TMEM123: variants seen among roughly 807,000 people sequenced by gnomAD.
TMEM123 encodes transmembrane protein 123.
In TMEM123, 16 loss-of-function variants were observed where a neutral mutation model predicts 19.7. That is an observed-to-expected ratio of 0.81 (90% CI 0.55 to 1.23). TMEM123 has a LOEUF of 1.23. Among genes scored for constraint, TMEM123 ranks in the 50% most tolerant of loss-of-function variants. The pLI, the probability that TMEM123 is intolerant of heterozygous loss-of-function variation, is 0.00. For missense variants in TMEM123, 313 were observed against 257.8 expected, an observed-to-expected ratio of 1.21 and a Z score of -1.47; for synonymous variants, 118 against 99.4, an observed-to-expected ratio of 1.19 and a Z score of -1.12.
intron 2 of TMEM123, among the ~76,000 whole-genome samples, chr11:102,420,121 G>A (rs982618948): frequency 6.6e-6 from 1 of 152,156 alleles, no homozygotes; most frequent in African/African-American, 2.4e-5. Flanking sequence ...GAAACTATTT[G>A]CATCTCCAGA....
intron 2 of TMEM123, among the ~76,000 whole-genome samples, chr11:102,428,887 C>T (rs1225466892): frequency 6.6e-6 from 1 of 152,198 alleles, no homozygotes; most frequent in Non-Finnish European, 1.5e-5. Context: ...ATCATTACCA[C>T]TGACTGTGGC....
In TMEM123 at chr11:102,401,901, A is replaced by T. The variant is rs1410269284; in HGVS notation, c.448+15T>A. On this transcript the variant is annotated intron_variant, in intron 3 of 4. Transcript: ENST00000398136. ...CTTGCAGCATAGGAAAAAAAAGGTC[A>T]GCTTTAATACATACTTGTTACTGAT... 1.2e-6 allele frequency: 2 copies of T among 1,603,902 alleles called. No individual in the cohort carries two copies. The highest frequency in any genetic ancestry group is 4.5e-5 in the East Asian group (2 of 44,718).
intron 2 of TMEM123, among the ~76,000 whole-genome samples, chr11:102,442,179 G>A (rs1333220231): frequency 1.3e-5 from 2 of 152,182 alleles, no homozygotes; most frequent in African/African-American, 2.4e-5. Flanking sequence ...GAAAAAGAGG[G>A]AATCCTCCCT....
chr11:102,427,924 T>C (rs1177645699), intron 2 of TMEM123, among the ~76,000 whole-genome samples: 3 of 152,100 alleles, frequency 2.0e-5, no homozygotes, highest in Non-Finnish European at 4.4e-5. Flanking sequence ...ATATTTACTC[T>C]GAGATTCAGA....
chr11:102,435,893 T>C (rs1857757577), intron 2 of TMEM123, among the ~76,000 whole-genome samples: 3 of 151,824 alleles, frequency 2.0e-5, no homozygotes. Context: ...AAGGGGGTGA[T>C]AAATAAAGAG....
chr11:102,401,554 A>G lies in TMEM123; in HGVS notation c.587T>C (p.Ile196Thr). The change falls in exon 4 of 5, where the codon ATT (isoleucine) becomes ACT (threonine). Residue 196 changes from isoleucine (I) to threonine (T), a missense_variant. By Grantham distance (89) the Ile-to-Thr change is moderately conservative. Coordinates refer to ENST00000398136, the MANE Select transcript of TMEM123 (RefSeq NM_052932.3). ...CAAAACTTACATGGTTCGATACCGA[A>G]TGCCTCTTCTTGAGTAATACATTTT... ...GCKMYYSRRG[I>T]RYRTIDEHDA... 1.3e-6 allele frequency: 2 copies of G among 1,585,916 alleles called. No homozygotes were observed. The highest frequency in any genetic ancestry group is 1.7e-6 in the Non-Finnish European group (2 of 1,172,860).
intron 2 of TMEM123, among the ~76,000 whole-genome samples, chr11:102,423,710 C>G (rs1476092570): frequency 6.6e-6 from 1 of 152,146 alleles, no homozygotes; most frequent in African/African-American, 2.4e-5. Context: ...CACAAAAAAT[C>G]AGTAATTCAT....
chr11:102,428,303 T>C (rs1952146623), intron 2 of TMEM123, among the ~76,000 whole-genome samples: 1 of 152,046 alleles, frequency 6.6e-6, no homozygotes, highest in South Asian at 2.1e-4. Context: ...AAAAAAGTCA[T>C]TTTATTTTAT....
At chr11:102,428,119 G>A (rs891405607) in intron 2 of TMEM123, among the ~76,000 whole-genome samples, 2 of 152,028 alleles carry the variant, frequency 1.3e-5, no homozygotes, top group Admixed American at 1.3e-4. Context: ...CTGGGAGTGT[G>A]AGTCTATCGT....
At chr11:102,405,914 C>T (rs1951952279) in intron 2 of TMEM123, among the ~76,000 whole-genome samples, 2 of 152,204 alleles carry the variant, frequency 1.3e-5, no homozygotes, top group South Asian at 4.1e-4. Context: ...TTTCCTGATG[C>T]TTTTAAGCAT....
At chr11:102,409,339 T>G (rs1218572157) in intron 2 of TMEM123, among the ~76,000 whole-genome samples, 2 of 152,114 alleles carry the variant, frequency 1.3e-5, no homozygotes, top group Non-Finnish European at 2.9e-5. Flanking sequence ...TTCTGGGAAT[T>G]TTTTAAAACA....
chr11:102,451,566 T>C (rs1003562170), intron 1 of TMEM123, among the ~76,000 whole-genome samples: 32 of 152,350 alleles, frequency 2.1e-4, no homozygotes, highest in African/African-American at 7.5e-4. Flanking sequence ...AGTGGATGGA[T>C]AGAACTTAAA....
At position 102,402,086 on chromosome 11, in the gene TMEM123, G is replaced by A. The variant is rs370462612; in HGVS notation, c.278C>T (p.Ala93Val). Residue 93 changes from alanine to valine, a missense_variant, in exon 3 of 5, where the codon GCG becomes GTG. By Grantham distance (64) the Ala-to-Val change is moderately conservative. Coordinates refer to ENST00000398136, the MANE Select transcript of TMEM123 (RefSeq NM_052932.3). ...NTTVTTMKPTAASNTTTPGMV... is the reference protein window; with the variant it reads ...NTTVTTMKPTVASNTTTPGMV... The stretch of plus-strand genomic sequence containing the variant: ...CCCTGGTGTTGTTGTATTAGATGCC[G>A]CTGTAGGTTTCATGGTGGTGACCGT... 1.9e-5 allele frequency: 30 copies of A among 1,613,996 alleles called. No homozygotes were observed. The highest frequency in any genetic ancestry group is 1.7e-4 in the African/African-American group (13 of 74,920).
At chr11:102,400,019 A>AAACAAAAAT (rs879258495) in intron 4 of TMEM123, among the ~76,000 whole-genome samples, 2,981 of 152,278 alleles carry the variant, frequency 0.02, no homozygotes, top group Non-Finnish European at 0.033. Context: ...TTTAAGTATT[A>AAACAAAAAT]GTAATATAAC....
chr11:102,446,975 T>A lies in TMEM123; in HGVS notation c.157+1837A>T, dbSNP rs1225434508. On this transcript the variant is annotated intron_variant, in intron 2 of 4. Transcript: ENST00000398136. ...AACAAAGCTTCAACAATGGTCTATG[T>A]AACTAAAAAGAAAAACAGTTAAGCA... Among the ~76,000 whole-genome samples the A allele has an allele frequency of 3.3e-5, 5 of 152,202 alleles. No homozygotes were observed. In the East Asian group the frequency reaches 9.6e-4, roughly 29 times the overall value.
intron 2 of TMEM123, 132 bp downstream of exon 2, chr11:102,448,680 T>C: frequency 6.5e-6 from 5 of 768,820 alleles, no homozygotes; most frequent in South Asian, 3.1e-5. Flanking sequence ...GGGCAGGTTA[T>C]TGGGATTCAT....
chr11:102,413,048 A>C (rs1349320526), intron 2 of TMEM123, among the ~76,000 whole-genome samples: 1 of 152,232 alleles, frequency 6.6e-6, no homozygotes, highest in Non-Finnish European at 1.5e-5. Flanking sequence ...TGTGGGATGC[A>C]ACTCAAGTTA....
At position 102,402,169 on chromosome 11, in the gene TMEM123, T is replaced by G. The variant is rs971150648; in HGVS notation, c.195A>C (p.Glu65Asp). Residue 65 changes from glutamate (E) to aspartate (D), a missense_variant, in exon 3 of 5, where the codon GAA becomes GAC. Physicochemically the swap from Glu to Asp is conservative, Grantham distance 45. Coordinates refer to ENST00000398136, the MANE Select transcript of TMEM123 (RefSeq NM_052932.3). ...LQHVPSDHTN[E>D]TSNSTVKPPT... ...GTGGTTTCACAGTACTGTTGGAAGT[T>G]TCATTTGTATGGTCAGAAGGCACAT... The G allele has an allele frequency of 3.7e-6, 6 of 1,614,116 alleles. No homozygotes were observed. The highest frequency in any genetic ancestry group is 5.1e-6 in the Non-Finnish European group (6 of 1,180,012).
chr11:102,421,519 CA>C (rs796847554), intron 2 of TMEM123, among the ~76,000 whole-genome samples: 2,033 of 140,942 alleles, frequency 0.014, 47 homozygotes, highest in African/African-American at 0.049. Context: ...ATTCAGTCAG[CA>C]AAAAAAAAAA....
Sources: allele counts gnomAD v4.1 joint callset (sites outside exome capture counted in the v4.1 genomes callset), GRCh38; gene constraint gnomAD v4.1.1; transcripts MANE v1.5; gene names NCBI Gene and HGNC (gene_info 2026-07-23, HGNC 2026-07-21).